GRM1: variants seen among roughly 807,000 people sequenced by gnomAD.
The protein encoded by GRM1 is metabotropic glutamate receptor 1.
GRM1 carries 33 observed loss-of-function variants against 90.9 expected under a neutral mutation model. The observed-to-expected ratio is 0.36, with a 90% CI of 0.28 to 0.49. The LOEUF is 0.49. GRM1 is among the 20% of genes least tolerant of loss of function. The pLI, the probability that GRM1 is intolerant of heterozygous loss-of-function variation, is 0.99. For synonymous variants in GRM1, 700 were observed against 613.2 expected (o/e 1.14, Z -2.09); for missense variants, 1,190 against 1,534.3 (o/e 0.78, Z 3.75).
intron 1 of GRM1, among the ~76,000 whole-genome samples, chr6:146,074,718 G>A (rs1192867995): frequency 6.6e-6 from 1 of 152,010 alleles, no homozygotes; most frequent in African/African-American, 2.4e-5. Context: ...CTTTTGGCTG[G>A]GATTACTTGG....
chr6:146,087,997 G>A (rs559658478), intron 1 of GRM1, among the ~76,000 whole-genome samples: 1 of 152,192 alleles, frequency 6.6e-6, no homozygotes, highest in South Asian at 2.1e-4. Flanking sequence ...TATATGTTTA[G>A]CTTTTTAAAG....
intron 2 of GRM1, among the ~76,000 whole-genome samples, chr6:146,185,792 A>T (rs1318054730): frequency 6.6e-6 from 1 of 152,168 alleles, no homozygotes; most frequent in Non-Finnish European, 1.5e-5. Flanking sequence ...TAATTTTCTT[A>T]TCCACATATC....
rs1485340498 is a variant in GRM1, at chr6:146,398,997, C to T, written c.1958C>T (p.Thr653Ile). ...CCATTCACTCTCATTGCCAAACCTA[C>T]TACCACCTCCTGCTACCTCCAGCGC... ...VCPFTLIAKP[T>I]TTSCYLQRLL... is the part of the protein sequence containing the mutation. Residue 653 changes from threonine (T) to isoleucine (I), a missense_variant, in exon 7 of 8, where the codon ACT becomes ATT. By Grantham distance (89) the Thr-to-Ile change is moderately conservative. This residue lies in a region of GRM1 where 414 missense variants were observed against 598.4 expected (regional missense o/e 0.69). Transcript: ENST00000282753. 8 of 1,613,928 alleles carry T rather than the reference C, an allele frequency of 5.0e-6. No individual in the cohort carries two copies. The highest frequency in any genetic ancestry group is 1.1e-5 in the South Asian group (1 of 91,082).
chr6:146,310,133 A>G (rs1783723350), intron 3 of GRM1, among the ~76,000 whole-genome samples: 2 of 152,264 alleles, frequency 1.3e-5, no homozygotes, highest in Non-Finnish European at 2.9e-5. Flanking sequence ...AGGACTGGTA[A>G]GATGATGATA....
intron 7 of GRM1, among the ~76,000 whole-genome samples, chr6:146,423,729 C>G (rs571032636): frequency 3.3e-5 from 5 of 152,066 alleles, no homozygotes; most frequent in East Asian, 1.9e-4. Context: ...GTCAGTACAC[C>G]GAGTTGCTAA....
At chr6:146,415,629 T>C (rs907409559) in intron 7 of GRM1, among the ~76,000 whole-genome samples, 29 of 152,166 alleles carry the variant, frequency 1.9e-4, no homozygotes, top group Non-Finnish European at 1.3e-4. Context: ...GAAAATCAGG[T>C]AGTGTAAGTC....
chr6:146,143,739 G>T (rs1351301663), intron 1 of GRM1, among the ~76,000 whole-genome samples: 2 of 152,144 alleles, frequency 1.3e-5, no homozygotes, highest in African/African-American at 2.4e-5. Flanking sequence ...TGCTAAGCAG[G>T]TACTTACTTT....
chr6:146,227,162 T>C (rs1326128766), intron 2 of GRM1, among the ~76,000 whole-genome samples: 1 of 152,060 alleles, frequency 6.6e-6, no homozygotes. Flanking sequence ...AATATCTAAA[T>C]ACTCAGAAAT....
intron 2 of GRM1, among the ~76,000 whole-genome samples, chr6:146,280,664 G>C (rs1447043779): frequency 6.6e-6 from 1 of 152,042 alleles, no homozygotes; most frequent in Non-Finnish European, 1.5e-5. Context: ...TCTCACTCAG[G>C]CAGGAGTGCA....
chr6:146,244,489 A>G (rs1196419378), intron 2 of GRM1, among the ~76,000 whole-genome samples: 1 of 152,114 alleles, frequency 6.6e-6, no homozygotes, highest in African/African-American at 2.4e-5. Context: ...TGGCAGAGGG[A>G]GGTAACCCTC....
intron 2 of GRM1, among the ~76,000 whole-genome samples, chr6:146,289,729 T>C (rs1483634706): frequency 6.6e-6 from 1 of 152,214 alleles, no homozygotes; most frequent in African/African-American, 2.4e-5. Flanking sequence ...ACTTATATTT[T>C]CTATGTTTAG....
chr6:146,036,286 C>T (rs1790888711), intron 1 of GRM1, among the ~76,000 whole-genome samples: 3 of 151,864 alleles, frequency 2.0e-5, no homozygotes, highest in Admixed American at 6.6e-5. Context: ...CCTACAACCA[C>T]TAAAAAAACT....
At chr6:146,086,492 G>A (rs989645770) in intron 1 of GRM1, among the ~76,000 whole-genome samples, 9 of 152,106 alleles carry the variant, frequency 5.9e-5, no homozygotes, top group African/African-American at 2.2e-4. Context: ...TCTTATTTTG[G>A]AGAGGAGTGA....
At chr6:146,413,310 C>A (rs951982292) in intron 7 of GRM1, among the ~76,000 whole-genome samples, 3 of 151,828 alleles carry the variant, frequency 2.0e-5, no homozygotes, top group Non-Finnish European at 4.4e-5. Context: ...ATATATTTTT[C>A]TTTTTCTATA....
At chr6:146,175,854 T>C (rs1178643708) in intron 2 of GRM1, among the ~76,000 whole-genome samples, 1 of 152,126 alleles carries the variant, frequency 6.6e-6, no homozygotes, top group Non-Finnish European at 1.5e-5. Flanking sequence ...TAAAAATATA[T>C]AGGTTGTATT....
At chr6:146,292,492 T>C (rs943924262) in intron 2 of GRM1, among the ~76,000 whole-genome samples, 3 of 151,854 alleles carry the variant, frequency 2.0e-5, no homozygotes, top group Admixed American at 2.0e-4. Context: ...AAAGAAAACA[T>C]ACAAGTGACC....
chr6:146,115,446 C>T (rs1775708507), intron 1 of GRM1, among the ~76,000 whole-genome samples: 1 of 152,106 alleles, frequency 6.6e-6, no homozygotes, highest in East Asian at 1.9e-4. Context: ...GTATGCTATG[C>T]ACTACCATTC....
chr6:146,103,728 G>A (rs374562428), intron 1 of GRM1, among the ~76,000 whole-genome samples: 1 of 152,184 alleles, frequency 6.6e-6, no homozygotes, highest in Non-Finnish European at 1.5e-5. Flanking sequence ...AGGTTACCAA[G>A]TAAACAGATT....
intron 1 of GRM1, among the ~76,000 whole-genome samples, chr6:146,031,592 A>G (rs1790710282): frequency 1.3e-5 from 2 of 152,194 alleles, no homozygotes; most frequent in Non-Finnish European, 2.9e-5. Context: ...ATCTGCTGTG[A>G]TATTATAACT....
Sources: allele counts gnomAD v4.1 joint callset (sites outside exome capture counted in the v4.1 genomes callset), GRCh38; gene constraint gnomAD v4.1.1; regional missense constraint gnomAD v4.1.1; transcripts MANE v1.5; gene names NCBI Gene and HGNC (gene_info 2026-07-23, HGNC 2026-07-21).